The following TMEM170B variants were observed in gnomAD, a reference collection of about 807,000 sequenced individuals.
TMEM170B encodes the protein transmembrane protein 170B.
Under a neutral mutation model 13.0 loss-of-function variants are expected in TMEM170B, and 6 were observed. That is an observed-to-expected ratio of 0.46 (90% CI 0.25 to 0.91). The LOEUF (loss-of-function observed/expected upper bound fraction) is 0.91. Ranked by LOEUF, TMEM170B falls within the 40% of genes least tolerant of loss-of-function variation. The pLI is 0.17. For missense variants in TMEM170B, 138 were observed against 165.2 expected (o/e 0.84, Z 0.90); for synonymous variants, 61 against 64.9 (o/e 0.94, Z 0.29).
chr6:11,551,156 A>G (rs1759519997), intron 1 of TMEM170B, among the ~76,000 whole-genome samples: 1 of 152,156 alleles, frequency 6.6e-6, no homozygotes, highest in African/African-American at 2.4e-5. Context: ...GGCTCTTGGC[A>G]GGTGGTGGGA....
At chr6:11,572,636 A>G (rs1023582925) in intron 2 of TMEM170B, among the ~76,000 whole-genome samples, 3 of 152,158 alleles carry the variant, frequency 2.0e-5, no homozygotes, top group Non-Finnish European at 4.4e-5. Flanking sequence ...GATTATATTC[A>G]TTATGTAAAA....
chr6:11,561,752 G>A (rs1759668654), intron 1 of TMEM170B, among the ~76,000 whole-genome samples: 1 of 152,126 alleles, frequency 6.6e-6, no homozygotes, highest in Non-Finnish European at 1.5e-5. Flanking sequence ...CTGACATTAG[G>A]GTACTTTGTT....
intron 1 of TMEM170B, among the ~76,000 whole-genome samples, chr6:11,547,375 C>T (rs574841823): frequency 6.6e-6 from 1 of 152,282 alleles, no homozygotes; most frequent in Admixed American, 6.5e-5. Context: ...TTAAGTTCCT[C>T]TTCCTAAATG....
intron 2 of TMEM170B, among the ~76,000 whole-genome samples, chr6:11,566,188 G>A (rs1759731029): frequency 6.6e-6 from 1 of 152,216 alleles, no homozygotes. Flanking sequence ...AAATATGTCA[G>A]TGATAATTAT....
At chr6:11,558,727 A>G (rs981888039) in intron 1 of TMEM170B, among the ~76,000 whole-genome samples, 1 of 152,158 alleles carries the variant, frequency 6.6e-6, no homozygotes, top group Non-Finnish European at 1.5e-5. Context: ...TTGACAACCC[A>G]CACCCTTGCC....
intron 1 of TMEM170B, among the ~76,000 whole-genome samples, chr6:11,558,473 T>C (rs1367483301): frequency 2.0e-5 from 3 of 152,320 alleles, no homozygotes; most frequent in African/African-American, 7.2e-5. Flanking sequence ...CGTTTAAATT[T>C]GGGCAACTTT....
At chr6:11,550,674 A>C (rs1227964344) in intron 1 of TMEM170B, among the ~76,000 whole-genome samples, 1 of 152,198 alleles carries the variant, frequency 6.6e-6, no homozygotes, top group Non-Finnish European at 1.5e-5. Flanking sequence ...GTATTATTTC[A>C]TTTGAGCCTC....
intron 1 of TMEM170B, among the ~76,000 whole-genome samples, chr6:11,547,711 TAA>T (rs1467662294): frequency 6.6e-6 from 1 of 152,142 alleles, no homozygotes; most frequent in African/African-American, 2.4e-5. Flanking sequence ...CATTTGTCAT[TAA>T]GTTTTTATTT....
chr6:11,567,998 G>T (rs1759757113), intron 2 of TMEM170B, among the ~76,000 whole-genome samples: 1 of 152,174 alleles, frequency 6.6e-6, no homozygotes, highest in Non-Finnish European at 1.5e-5. Context: ...AAAGAGCAGA[G>T]ACCTGGTCTG....
intron 1 of TMEM170B, among the ~76,000 whole-genome samples, chr6:11,559,943 G>T (rs1339655264): frequency 1.3e-5 from 2 of 151,558 alleles, no homozygotes; most frequent in East Asian, 3.9e-4. Context: ...AGAGAGGTTG[G>T]GTTCTCTGTA....
chr6:11,560,269 A>C (rs1759644725), intron 1 of TMEM170B, among the ~76,000 whole-genome samples: 1 of 151,066 alleles, frequency 6.6e-6, no homozygotes, highest in Non-Finnish European at 1.5e-5. Context: ...GGTTCACACC[A>C]TTCTCCTGCC....
intron 1 of TMEM170B, among the ~76,000 whole-genome samples, chr6:11,546,949 T>G (rs1329109234): frequency 6.6e-6 from 1 of 152,210 alleles, no homozygotes; most frequent in Non-Finnish European, 1.5e-5. Flanking sequence ...AGTCAGAGAT[T>G]AACAACAACA....
rs923665874 is a variant in TMEM170B at position 11,578,908 on chromosome 6, G to A, written c.*3347G>A. The A allele has an allele frequency of 6.6e-6, 1 of 152,144 alleles. No homozygotes were observed. Among genetic ancestry groups the A allele is most frequent in the Non-Finnish European group, 1.5e-5 (1 of 68,014 alleles). The allele number at this position is 152,144 out of a possible 1,614,324, so 9.4% of individuals were successfully genotyped here. ...ATGAAGAAAATGTGGCTGCCACATT[G>A]ATGTACCTAGGCTGCCACTCATACA... is the stretch of plus-strand genomic sequence containing the variant. On this transcript the variant is annotated 3_prime_UTR_variant, in exon 3 of 3. Coordinates refer to ENST00000379426, the MANE Select transcript of TMEM170B (RefSeq NM_001100829.3).
intron 1 of TMEM170B, among the ~76,000 whole-genome samples, chr6:11,538,661 G>A (rs1033687174): frequency 6.6e-6 from 1 of 152,248 alleles, no homozygotes; most frequent in African/African-American, 2.4e-5. Flanking sequence ...TAGTACGCGC[G>A]GAGTAGCTTT....
intron 2 of TMEM170B, among the ~76,000 whole-genome samples, chr6:11,571,858 C>T (rs1016210977): frequency 5.9e-5 from 9 of 151,924 alleles, no homozygotes; most frequent in Admixed American, 3.3e-4. Context: ...AAAGACAACC[C>T]GGTAGAAAAG....
At chr6:11,573,189 C>G (rs906397118) in intron 2 of TMEM170B, among the ~76,000 whole-genome samples, 3 of 151,988 alleles carry the variant, frequency 2.0e-5, no homozygotes, top group African/African-American at 7.3e-5. Flanking sequence ...ATCTCTTTTC[C>G]TAGGATCATA....
At chr6:11,556,509 C>T (rs1461947409) in intron 1 of TMEM170B, among the ~76,000 whole-genome samples, 3 of 152,194 alleles carry the variant, frequency 2.0e-5, no homozygotes, top group Non-Finnish European at 4.4e-5. Flanking sequence ...TTACTTGCTG[C>T]TAGGCTCCTG....
Position 11,575,589 on chromosome 6 carries a change from A to T in TMEM170B, c.*28A>T. The T allele has an allele frequency of 6.2e-7, 1 of 1,610,828 alleles. No individual in the cohort carries two copies. Among genetic ancestry groups the T allele is most frequent in the Non-Finnish European group, 8.5e-7 (1 of 1,178,160 alleles). On this transcript the variant is annotated 3_prime_UTR_variant, in exon 3 of 3. Coordinates refer to ENST00000379426, the MANE Select transcript of TMEM170B (RefSeq NM_001100829.3). The surrounding 1 kb of genome is among the most constrained non-coding windows in gnomAD (Gnocchi z 4.1). ...TTTCTGTGGGAATGTCTTACTTCAC[A>T]TAAGGAAACAGATGTACAGATTCCC...
chr6:11,540,482 C>CT (rs2113759360), intron 1 of TMEM170B, among the ~76,000 whole-genome samples: 1 of 152,300 alleles, frequency 6.6e-6, no homozygotes, highest in South Asian at 2.1e-4. Context: ...TCCATTCAAA[C>CT]TTTATCATGA....
Sources: allele counts gnomAD v4.1 joint callset (sites outside exome capture counted in the v4.1 genomes callset), GRCh38; gene constraint gnomAD v4.1.1; non-coding constraint Gnocchi (gnomAD v3.1); transcripts MANE v1.5; gene names NCBI Gene and HGNC (gene_info 2026-07-23, HGNC 2026-07-21).